The following RIC1 variants were observed in gnomAD, a reference collection of about 807,000 sequenced individuals.
RIC1 encodes the protein RIC1 partner of RAB6A GEF complex, also known as guanine nucleotide exchange factor subunit RIC1.
In RIC1, 88 loss-of-function variants were observed where a neutral mutation model predicts 169.0. That is an observed-to-expected ratio of 0.52 (90% CI 0.44 to 0.62). RIC1 has a LOEUF of 0.62. Ranked by LOEUF, RIC1 falls within the 20% of genes least tolerant of loss-of-function variation. RIC1 has a pLI of 0.00. For missense variants in RIC1, 1,877 were observed against 1,725.5 expected (o/e 1.09, Z -1.56); for synonymous variants, 790 against 601.5 (o/e 1.31, Z -4.59).
chr9:5,681,720 TC>T (rs931468811), intron 2 of RIC1, among the ~76,000 whole-genome samples: 3 of 152,208 alleles, frequency 2.0e-5, no homozygotes, highest in African/African-American at 7.2e-5. Context: ...GTCTCTTTGA[TC>T]TGTCTAATGG....
At chr9:5,690,166 A>G (rs1461680430) in intron 3 of RIC1, 128 bp downstream of exon 3, 4 of 522,598 alleles carry the variant, frequency 7.7e-6, no homozygotes, top group Non-Finnish European at 1.3e-5. Flanking sequence ...AATAGTATTT[A>G]AAAAATTACC....
At chr9:5,692,541 C>G (rs1379523820) in intron 3 of RIC1, among the ~76,000 whole-genome samples, 1 of 151,956 alleles carries the variant, frequency 6.6e-6, no homozygotes, top group Non-Finnish European at 1.5e-5. Context: ...TAACTGCTAC[C>G]TAAAATCTCT....
chr9:5,649,344 A>T (rs1180240109), intron 1 of RIC1, among the ~76,000 whole-genome samples: 1 of 152,116 alleles, frequency 6.6e-6, no homozygotes, highest in African/African-American at 2.4e-5. Context: ...ATTCAAATAG[A>T]TCACTTTATG....
At position 5,747,319 on chromosome 9, in the gene RIC1, G is replaced by T; in HGVS notation, c.1266G>T (p.Val422=). 1 of 1,614,016 alleles carries T rather than the reference G, an allele frequency of 6.2e-7. No individual in the cohort carries two copies. Among genetic ancestry groups the T allele is most frequent in the Non-Finnish European group, 8.5e-7 (1 of 1,179,918 alleles). Reference sequence around the variant, plus strand: ...TCATTTAGAGTAACCAAGAGCAGGTGTTGCTTCAGGGTGAGGATCGCTTGT... The same window carrying T: ...TCATTTAGAGTAACCAAGAGCAGGTTTTGCTTCAGGGTGAGGATCGCTTGT... ...VNPCMSNQEQ[V]LLQGEDRLYL... is the part of the protein sequence containing the mutation. Residue 422 remains valine, a synonymous_variant, in exon 12 of 26, where the codon GTG becomes GTT. Coordinates refer to ENST00000414202, the MANE Select transcript of RIC1 (RefSeq NM_020829.4).
chr9:5,732,532 G>GTTT, intron 7 of RIC1, 53 bp downstream of exon 7: 7 of 918,534 alleles, frequency 7.6e-6, no homozygotes, highest in South Asian at 1.8e-5. Flanking sequence ...AAAAATACTG[G>GTTT]TTTTTTTTTT....
At chr9:5,691,170 A>G (rs1201304032) in intron 3 of RIC1, among the ~76,000 whole-genome samples, 1 of 151,998 alleles carries the variant, frequency 6.6e-6, no homozygotes, top group Non-Finnish European at 1.5e-5. Context: ...TATAAACTTA[A>G]GAACTTGACC....
chr9:5,720,504 G>C, intron 5 of RIC1, 110 bp from the exon 6 acceptor site: 2 of 1,219,446 alleles, frequency 1.6e-6, no homozygotes, highest in Non-Finnish European at 2.3e-6. Flanking sequence ...ATTTAGGGTT[G>C]TTAGGTCATT....
intron 3 of RIC1, among the ~76,000 whole-genome samples, chr9:5,690,370 G>C (rs1455288428): frequency 6.6e-6 from 1 of 151,970 alleles, no homozygotes; most frequent in East Asian, 1.9e-4. Context: ...GTAAGTTACA[G>C]GTACTTTTGC....
At chr9:5,702,879 G>A (rs182208616) in intron 3 of RIC1, among the ~76,000 whole-genome samples, 1 of 152,094 alleles carries the variant, frequency 6.6e-6, no homozygotes, top group East Asian at 1.9e-4. Flanking sequence ...CAGATCTCAC[G>A]ATAACTTACT....
chr9:5,761,424 T>C (rs1187834182), intron 17 of RIC1, among the ~76,000 whole-genome samples: 2 of 152,286 alleles, frequency 1.3e-5, no homozygotes, highest in Non-Finnish European at 2.9e-5. Context: ...TGGCCCAGCC[T>C]CACCTTTAAG....
chr9:5,674,933 A>G (rs1232748172), intron 2 of RIC1, among the ~76,000 whole-genome samples: 4 of 152,266 alleles, frequency 2.6e-5, no homozygotes, highest in Non-Finnish European at 5.9e-5. Context: ...TTCTTGGTTT[A>G]CAACTATGTT....
intron 3 of RIC1, among the ~76,000 whole-genome samples, chr9:5,711,712 C>G (rs2130819646): frequency 6.6e-6 from 1 of 152,244 alleles, no homozygotes; most frequent in Middle Eastern, 3.4e-3. Context: ...TCTCCTAATG[C>G]TATCCCTCCC....
chr9:5,736,201 C>G (rs1824693217), intron 7 of RIC1, among the ~76,000 whole-genome samples: 1 of 152,194 alleles, frequency 6.6e-6, no homozygotes. Context: ...CAAACACCTG[C>G]TACCCACTTA....
intron 8 of RIC1, among the ~76,000 whole-genome samples, chr9:5,739,809 C>T (rs943051910): frequency 3.3e-5 from 5 of 152,152 alleles, no homozygotes; most frequent in Admixed American, 6.5e-5. Context: ...CTCAGTGAAT[C>T]TAGCTTCATC....
At chr9:5,753,413 T>G in intron 13 of RIC1, 123 bp from the exon 14 acceptor site, 1 of 810,750 alleles carries the variant, frequency 1.2e-6, no homozygotes, top group Non-Finnish European at 2.0e-6. Context: ...TATTTGGACT[T>G]TAAAATATTT....
chr9:5,681,606 G>T (rs1230367069), intron 2 of RIC1, among the ~76,000 whole-genome samples: 1 of 152,182 alleles, frequency 6.6e-6, no homozygotes, highest in Non-Finnish European at 1.5e-5. Flanking sequence ...TTGCTGAAAA[G>T]AATGTATATT....
intron 1 of RIC1, among the ~76,000 whole-genome samples, chr9:5,639,565 T>G (rs1486464775): frequency 1.3e-5 from 2 of 152,218 alleles, no homozygotes; most frequent in East Asian, 3.8e-4. Context: ...TTCTGCACCC[T>G]TTGGATGAAA....
At chr9:5,652,930 A>T (rs146755323) in intron 1 of RIC1, among the ~76,000 whole-genome samples, 1 of 152,262 alleles carries the variant, frequency 6.6e-6, no homozygotes, top group African/African-American at 2.4e-5. Context: ...GAGTTTTGTC[A>T]AATGCTTTTT....
downstream of RIC1, among the ~76,000 whole-genome samples, chr9:5,777,128 G>A (rs189800583): frequency 5.9e-4 from 90 of 152,136 alleles, no homozygotes; most frequent in Non-Finnish European, 1.0e-3. Context: ...AAATCTTCTC[G>A]TAGGATTATT....
Sources: gnomAD v4.1 joint callset for allele counts (sites outside exome capture counted in the v4.1 genomes callset) on GRCh38, gnomAD v4.1.1 for gene constraint, MANE v1.5 for transcripts, NCBI Gene and HGNC (gene_info 2026-07-23, HGNC 2026-07-21) for gene names.